Variants in ESRP1 observed in about 807,000 individuals in gnomAD.
ESRP1 encodes epithelial splicing regulatory protein 1, also known as RNA-binding motif protein 35A.
In ESRP1, 33 loss-of-function variants were observed where a neutral mutation model predicts 81.7. That is an observed-to-expected ratio of 0.40 (90% CI 0.31 to 0.54). The LOEUF is 0.54. Among genes scored for constraint, ESRP1 ranks in the 20% least tolerant of loss-of-function variants. ESRP1 has a pLI of 0.41. For synonymous variants in ESRP1, 320 were observed against 303.3 expected, an observed-to-expected ratio of 1.06 and a Z score of -0.57; for missense variants, 672 against 833.1, an observed-to-expected ratio of 0.81 and a Z score of 2.38.
intron 13 of ESRP1, among the ~76,000 whole-genome samples, chr8:94,689,827 T>A (rs1586248005): frequency 1.1e-5 from 1 of 92,988 alleles, no homozygotes; most frequent in African/African-American, 3.4e-5. Flanking sequence ...TTTTTTTTTT[T>A]TTTTTTTTTG....
At chr8:94,677,629 G>A (rs1001553932) in intron 12 of ESRP1, among the ~76,000 whole-genome samples, 2 of 152,120 alleles carry the variant, frequency 1.3e-5, no homozygotes, top group African/African-American at 2.4e-5. Context: ...CCCATCATGT[G>A]GCTAGCCTTT....
At chr8:94,666,684 T>C (rs999275559) in intron 9 of ESRP1, among the ~76,000 whole-genome samples, 5 of 152,222 alleles carry the variant, frequency 3.3e-5, no homozygotes, top group African/African-American at 9.6e-5. Context: ...CAGTTCATCT[T>C]TAGATAAACT....
At position 94,671,633 on chromosome 8, in the gene ESRP1, A is replaced by G. The variant is rs769589400; in HGVS notation, c.1414A>G (p.Ile472Val). 5.6e-6 allele frequency: 9 copies of G among 1,613,812 alleles called. No homozygotes were observed. Among genetic ancestry groups the G allele is most frequent in the East Asian group, 2.2e-5 (1 of 44,898 alleles). Reference sequence around the variant, plus strand: ...TTTCCTGGGGGAGTTCGCCACAGATATTCGTACTCATGGGGTTCACATGGT... The same window carrying G: ...TTTCCTGGGGGAGTTCGCCACAGATGTTCGTACTCATGGGGTTCACATGGT... ...LDFLGEFATD[I>V]RTHGVHMVLN... Residue 472 changes from isoleucine to valine, a missense_variant, in exon 11 of 16, where the codon ATT becomes GTT. Coordinates refer to ENST00000433389, the MANE Select transcript of ESRP1 (RefSeq NM_017697.4).
At chr8:94,648,088 G>C (rs1053665221) in intron 4 of ESRP1, among the ~76,000 whole-genome samples, 5 of 152,086 alleles carry the variant, frequency 3.3e-5, no homozygotes, top group Non-Finnish European at 7.4e-5. Flanking sequence ...GAAACCCCAT[G>C]TCAACAAAAA....
At chr8:94,675,741 A>T (rs1422180450) in intron 12 of ESRP1, among the ~76,000 whole-genome samples, 1 of 152,162 alleles carries the variant, frequency 6.6e-6, no homozygotes, top group Non-Finnish European at 1.5e-5. Flanking sequence ...ATATCCTTTC[A>T]CTTGTCCCTC....
chr8:94,642,248 G>C (rs1266895279), intron 2 of ESRP1, among the ~76,000 whole-genome samples, 164 bp downstream of exon 2: 1 of 152,266 alleles, frequency 6.6e-6, no homozygotes, highest in Admixed American at 6.5e-5. Flanking sequence ...CACCGTTTGG[G>C]CGGGGGTCGC....
intron 12 of ESRP1, among the ~76,000 whole-genome samples, chr8:94,676,527 G>C (rs1183801961): frequency 3.2e-4 from 49 of 151,874 alleles, no homozygotes; most frequent in Non-Finnish European, 4.4e-5. Flanking sequence ...TTGAGACGGA[G>C]TCTTGCTTTT....
intron 15 of ESRP1, 142 bp downstream of exon 15, chr8:94,697,103 C>A: frequency 1.7e-6 from 1 of 605,452 alleles, no homozygotes; most frequent in African/African-American, 1.9e-5. Flanking sequence ...GGAATGGAGA[C>A]TAGAATTAAG....
chr8:94,678,274 C>T lies in ESRP1; in HGVS notation c.1723C>T (p.Pro575Ser). ...VIPTEAAIYQ[P>S]SVILNPRALQ... Reference sequence around the variant, plus strand: ...TCCTACAGAAGCTGCCATTTACCAGCCCTCTGTGATTTTGAATCCACGAGC... The same window carrying T: ...TCCTACAGAAGCTGCCATTTACCAGTCCTCTGTGATTTTGAATCCACGAGC... Residue 575 changes from proline (P) to serine (S), a missense_variant, in exon 13 of 16, where the codon CCC becomes TCC. Coordinates refer to ENST00000433389, the MANE Select transcript of ESRP1 (RefSeq NM_017697.4). 6.2e-7 allele frequency: 1 copy of T among 1,614,004 alleles called. No homozygotes were observed. Among genetic ancestry groups the T allele is most frequent in the Non-Finnish European group, 8.5e-7 (1 of 1,179,896 alleles).
chr8:94,700,588 C>T (rs564523500), intron 15 of ESRP1, among the ~76,000 whole-genome samples: 79 of 152,298 alleles, frequency 5.2e-4, no homozygotes, highest in African/African-American at 1.8e-3. Context: ...TTTATGCCAC[C>T]CAATTTATGG....
intron 4 of ESRP1, among the ~76,000 whole-genome samples, chr8:94,657,061 C>T (rs1043557484): frequency 1.3e-5 from 2 of 152,200 alleles, no homozygotes; most frequent in Non-Finnish European, 2.9e-5. Flanking sequence ...AAGTGTCCCT[C>T]CTGTTAATAT....
At chr8:94,668,380 T>C in intron 10 of ESRP1, 130 bp downstream of exon 10, 1 of 867,540 alleles carries the variant, frequency 1.2e-6, no homozygotes, top group South Asian at 2.0e-5. Flanking sequence ...TGCATGAAAA[T>C]AGTCTTGATT....
At chr8:94,683,290 G>A (rs1013271994) in intron 13 of ESRP1, among the ~76,000 whole-genome samples, 5 of 152,038 alleles carry the variant, frequency 3.3e-5, no homozygotes, top group Non-Finnish European at 5.9e-5. Flanking sequence ...TAAACACATT[G>A]ATCTTTGGTT....
At chr8:94,646,306 G>T in intron 4 of ESRP1, 24 bp downstream of exon 4, 1 of 1,361,588 alleles carries the variant, frequency 7.3e-7, no homozygotes, top group East Asian at 2.4e-5. Context: ...CATTACTCAA[G>T]AATCATTTGA....
In ESRP1 at chr8:94,662,283, G is replaced by T; in HGVS notation, c.502G>T (p.Glu168Ter). 6.4e-7 allele frequency: 1 copy of T among 1,563,500 alleles called. No homozygotes were observed. Among genetic ancestry groups the T allele is most frequent in the South Asian group, 1.2e-5 (1 of 83,576 alleles). ...VATMTEYLNF[E>*]KSSSVSRYGA... ...ATTTAATCTCACAGATTTAAATTTT[G>T]AGAAGAGTAGTTCAGTCTCTCGATA... Residue 168 changes from glutamate (E) to a stop codon, truncating the protein, a stop_gained, in exon 5 of 16, where the codon GAG (glutamate) becomes TAG (stop). Transcript: ENST00000433389. LOFTEE classifies it high-confidence loss of function.
intron 10 of ESRP1, among the ~76,000 whole-genome samples, chr8:94,669,146 A>G (rs981087370): frequency 1.3e-5 from 2 of 152,184 alleles, no homozygotes; most frequent in African/African-American, 4.8e-5. Flanking sequence ...ACTAAGATCT[A>G]GGCATTAAAC....
chr8:94,650,057 G>T (rs888133330), intron 4 of ESRP1, among the ~76,000 whole-genome samples: 3 of 151,932 alleles, frequency 2.0e-5, no homozygotes, highest in Non-Finnish European at 4.4e-5. Flanking sequence ...CTGTGAAAGT[G>T]CTGTACCAGA....
At position 94,706,107 on chromosome 8, in the gene ESRP1, T is replaced by TA; in HGVS notation, c.*219dup. On this transcript the variant is annotated 3_prime_UTR_variant, in exon 16 of 16. Transcript: ENST00000433389. ...GAGCTAGTGAAGCCAAATCGTAACT[T>TA]ACAGCAAGCAGCATGCAGCATACCT... The TA allele has an allele frequency of 1.6e-6, 1 of 632,572 alleles. No individual in the cohort carries two copies. The highest frequency in any genetic ancestry group is 3.3e-5 in the Admixed American group (1 of 30,298). The allele number at this position is 632,572 out of a possible 1,614,324, so 39.2% of individuals were successfully genotyped here.
chr8:94,668,057 G>A lies in ESRP1; in HGVS notation c.1040G>A (p.Gly347Glu). 1 of 1,614,012 alleles carries A rather than the reference G, an allele frequency of 6.2e-7. No individual in the cohort carries two copies. Among genetic ancestry groups the A allele is most frequent in the African/African-American group, 1.3e-5 (1 of 75,042 alleles). ...ATAEEVVAFF[G>E]QHCPITGGKE... ...GCTGAAGAAGTGGTGGCCTTCTTTGGACAGCATTGCCCTATTACTGGGGGA... is the reference window on the plus strand; with the variant it reads ...GCTGAAGAAGTGGTGGCCTTCTTTGAACAGCATTGCCCTATTACTGGGGGA... The change falls in exon 10 of 16, where the codon GGA becomes GAA. Residue 347 changes from glycine (G) to glutamate (E), a missense_variant. Coordinates refer to ENST00000433389, the MANE Select transcript of ESRP1 (RefSeq NM_017697.4).
Sources: gnomAD v4.1 joint callset for allele counts (sites outside exome capture counted in the v4.1 genomes callset) on GRCh38, gnomAD v4.1.1 for gene constraint, MANE v1.5 for transcripts, NCBI Gene and HGNC (gene_info 2026-07-23, HGNC 2026-07-21) for gene names.